ZNF169: variants seen among roughly 807,000 people sequenced by gnomAD.
The protein encoded by ZNF169 is zinc finger protein 169.
A neutral mutation model predicts 12.0 loss-of-function variants in ZNF169; 11 were observed. The observed-to-expected ratio is 0.92, with a 90% CI of 0.58 to 1.52. The LOEUF is 1.52. ZNF169 is among the 40% of genes most tolerant of loss of function. The probability of loss-of-function intolerance (pLI) is 0.00; values close to 1 mark genes in which losing one functional copy is unlikely to be tolerated. For missense variants in ZNF169, 722 were observed against 744.0 expected, an observed-to-expected ratio of 0.97 and a Z score of 0.34; for synonymous variants, 302 against 286.5, an observed-to-expected ratio of 1.05 and a Z score of -0.55.
At chr9:94,296,853 GGC>G (rs1332897572) in intron 4 of ZNF169, 1 of 455,738 alleles carries the variant, frequency 2.2e-6, no homozygotes, top group Non-Finnish European at 4.4e-6. Context: ...AGACTAGTCT[GGC>G]CAACATAGTG....
chr9:94,300,597 G>A lies in ZNF169; in HGVS notation c.1039G>A (p.Val347Met), dbSNP rs150383663. 15 of 1,613,554 alleles carry A rather than the reference G, an allele frequency of 9.3e-6. No homozygotes were observed. Among genetic ancestry groups the A allele is most frequent in the African/African-American group, 4.0e-5 (3 of 74,812 alleles). Residue 347 changes from valine (V) to methionine (M), a missense_variant, in exon 5 of 5, where the codon GTG (valine) becomes ATG (methionine). Coordinates refer to ENST00000395395, the MANE Select transcript of ZNF169 (RefSeq NM_194320.4). ...GACGCACTTGGAGGAGAAGCCCTTCGTGTGTCCTGAGTGTGGGAGAGGCTT... is the reference window on the plus strand; with the variant it reads ...GACGCACTTGGAGGAGAAGCCCTTCATGTGTCCTGAGTGTGGGAGAGGCTT... ...QRTHLEEKPF[V>M]CPECGRGFCQ...
At chr9:94,296,473 A>G (rs1351433293) in intron 4 of ZNF169, among the ~76,000 whole-genome samples, 1 of 152,116 alleles carries the variant, frequency 6.6e-6, no homozygotes, top group Non-Finnish European at 1.5e-5. Context: ...TTTTTCTTTT[A>G]GTAATTTTAC....
chr9:94,278,889 T>C (rs993576167), intron 2 of ZNF169, 44 bp downstream of exon 2: 2 of 1,607,312 alleles, frequency 1.2e-6, no homozygotes, highest in African/African-American at 1.3e-5. Flanking sequence ...GAAGGTTTCA[T>C]AATCTTTTCT....
At chr9:94,292,614 T>TGTGTGTGTGTGTGC in intron 3 of ZNF169, 147 bp downstream of exon 3, 1 of 511,672 alleles carries the variant, frequency 2.0e-6, no homozygotes. Context: ...CAGTTGTGTG[T>TGTGTGTGTGTGTGC]GTGTGTGTGT....
intron 4 of ZNF169, chr9:94,295,985 A>G (rs1342856877): frequency 6.6e-6 from 1 of 152,236 alleles, no homozygotes; most frequent in Non-Finnish European, 1.5e-5. Context: ...TGGCCGCACC[A>G]TTTCACATTC....
chr9:94,285,106 A>G (rs1391857205), intron 2 of ZNF169, among the ~76,000 whole-genome samples: 1 of 152,224 alleles, frequency 6.6e-6, no homozygotes, highest in African/African-American at 2.4e-5. Flanking sequence ...TGATTTTTTT[A>G]CAAGGGTGGA....
chr9:94,272,710 A>G (rs948497879), intron 1 of ZNF169, among the ~76,000 whole-genome samples: 2 of 152,146 alleles, frequency 1.3e-5, no homozygotes, highest in Non-Finnish European at 2.9e-5. Flanking sequence ...TCTGCTTCCA[A>G]TTCCTTTGGA....
chr9:94,296,598 C>T (rs944391489), intron 4 of ZNF169, among the ~76,000 whole-genome samples: 1 of 151,998 alleles, frequency 6.6e-6, no homozygotes, highest in Non-Finnish European at 1.5e-5. Context: ...CCAATTTTTC[C>T]AGCACCATTT....
Position 94,299,950 on chromosome 9 carries a change from T to C in ZNF169, c.392T>C (p.Leu131Pro), listed in dbSNP as rs745969380. 2.5e-5 allele frequency: 41 copies of C among 1,614,046 alleles called. No individual in the cohort carries two copies. The highest frequency in any genetic ancestry group is 3.4e-5 in the Non-Finnish European group (40 of 1,180,018). Residue 131 changes from leucine to proline, a missense_variant, in exon 5 of 5, where the codon CTA becomes CCA. Physicochemically the swap from Leu to Pro is moderately conservative, Grantham distance 98. Transcript: ENST00000395395. ...TCATCTGCAGGAGGTGACTTCCAAC[T>C]AGAAGCTCCAAGATGCTCTAGTGAA... ...PSSSAGGDFQ[L>P]EAPRCSSEKG...
intron 1 of ZNF169, among the ~76,000 whole-genome samples, chr9:94,275,993 C>T (rs900435151): frequency 6.6e-6 from 1 of 151,784 alleles, no homozygotes; most frequent in Non-Finnish European, 1.5e-5. Context: ...AGGCTGGCCT[C>T]GAACTCCTGA....
At chr9:94,292,640 T>TGTGTGTGTGTGTGTGTGCGC (rs35889937) in intron 3 of ZNF169, 173 bp downstream of exon 3, 1 of 705,888 alleles carries the variant, frequency 1.4e-6, no homozygotes, top group African/African-American at 1.9e-5. Context: ...TGTGTGTGTG[T>TGTGTGTGTGTGTGTGTGCGC]GCGCGTGCAC....
At chr9:94,270,819 AAT>A (rs1483247144) in intron 1 of ZNF169, among the ~76,000 whole-genome samples, 276 of 15,754 alleles carry the variant, frequency 0.018, 26 homozygotes, top group African/African-American at 0.029. Context: ...ATATTATATA[AAT>A]ATATATAAAA....
chr9:94,278,733 T>C (rs1169089538), intron 1 of ZNF169, 25 bp from the exon 2 acceptor site: 3 of 1,399,216 alleles, frequency 2.1e-6, no homozygotes, highest in African/African-American at 1.4e-5. Flanking sequence ...CAAGTACCTC[T>C]CTCACTTCTC....
At chr9:94,286,722 A>G (rs1830725684) in intron 2 of ZNF169, among the ~76,000 whole-genome samples, 1 of 152,184 alleles carries the variant, frequency 6.6e-6, no homozygotes, top group South Asian at 2.1e-4. Flanking sequence ...TGTGATTACA[A>G]TCATACAGAC....
intron 1 of ZNF169, among the ~76,000 whole-genome samples, chr9:94,267,153 G>A (rs549411787): frequency 9.2e-5 from 14 of 152,242 alleles, no homozygotes; most frequent in East Asian, 5.8e-4. Context: ...TTAATGCCAC[G>A]CCCAGCCATG....
intron 1 of ZNF169, among the ~76,000 whole-genome samples, chr9:94,267,414 T>C (rs1396229753): frequency 1.3e-5 from 2 of 152,222 alleles, no homozygotes; most frequent in African/African-American, 4.8e-5. Flanking sequence ...CAACCAGTTT[T>C]TCCAATTGTG....
chr9:94,278,124 G>GA (rs1830557903), intron 1 of ZNF169, among the ~76,000 whole-genome samples: 1 of 152,100 alleles, frequency 6.6e-6, no homozygotes, highest in Admixed American at 6.6e-5. Flanking sequence ...TTTTCATTAA[G>GA]AAAAAATCTA....
chr9:94,265,019 C>CTTTT (rs1830266143), intron 1 of ZNF169, among the ~76,000 whole-genome samples: 1 of 46,738 alleles, frequency 2.1e-5, no homozygotes, highest in African/African-American at 5.7e-5. Context: ...TTTCTGTACC[C>CTTTT]TGTTTTTTTT....
intron 2 of ZNF169, chr9:94,288,663 A>G (rs1830766897): frequency 5.5e-6 from 2 of 362,234 alleles, no homozygotes; most frequent in Admixed American, 3.8e-5. Context: ...GAGATCTGAT[A>G]GTTTAAAAGT....
Sources: gnomAD v4.1 joint callset for allele counts (sites outside exome capture counted in the v4.1 genomes callset) on GRCh38, gnomAD v4.1.1 for gene constraint, MANE v1.5 for transcripts, NCBI Gene and HGNC (gene_info 2026-07-23, HGNC 2026-07-21) for gene names.